Variants in SLC4A10 observed in about 807,000 individuals in gnomAD.
SLC4A10 encodes sodium-driven chloride bicarbonate exchanger.
Under a neutral mutation model 137.7 loss-of-function variants are expected in SLC4A10, and 42 were observed. The observed-to-expected ratio is 0.30, with a 90% CI of 0.24 to 0.39. The LOEUF is 0.39. SLC4A10 is among the 10% of genes least tolerant of loss of function. SLC4A10 has a pLI of 1.00. For synonymous variants in SLC4A10, 474 were observed against 464.1 expected (o/e 1.02, Z -0.27); for missense variants, 925 against 1,355.0 (o/e 0.68, Z 4.98).
intron 1 of SLC4A10, among the ~76,000 whole-genome samples, chr2:161,641,724 T>C (rs2035350602): frequency 6.6e-6 from 1 of 152,052 alleles, no homozygotes; most frequent in Non-Finnish European, 1.5e-5. Context: ...ATAATAGTGC[T>C]AGTCTAATAA....
intron 15 of SLC4A10, among the ~76,000 whole-genome samples, chr2:161,918,117 C>T (rs1020769074): frequency 3.9e-5 from 6 of 152,096 alleles, no homozygotes; most frequent in African/African-American, 1.2e-4. Flanking sequence ...ACTTAGGTCA[C>T]TTAAATATCT....
At chr2:161,945,614 G>C (rs1693651888) in intron 16 of SLC4A10, among the ~76,000 whole-genome samples, 2 of 151,750 alleles carry the variant, frequency 1.3e-5, no homozygotes, top group African/African-American at 2.4e-5. Flanking sequence ...ATGTATGTGT[G>C]CATGTGTGAG....
intron 1 of SLC4A10, among the ~76,000 whole-genome samples, chr2:161,722,938 A>C (rs1167503294): frequency 2.6e-5 from 4 of 152,150 alleles, no homozygotes; most frequent in Non-Finnish European, 5.9e-5. Context: ...CGACCTAAAG[A>C]AGCAGTCTGG....
chr2:161,737,638 C>T (rs2047482615), intron 1 of SLC4A10, among the ~76,000 whole-genome samples: 1 of 152,116 alleles, frequency 6.6e-6, no homozygotes, highest in African/African-American at 2.4e-5. Context: ...TGTACTTTTA[C>T]AAGTACAGTG....
At chr2:161,956,399 A>G (rs1190705775) in intron 19 of SLC4A10, among the ~76,000 whole-genome samples, 2 of 152,228 alleles carry the variant, frequency 1.3e-5, no homozygotes, top group Non-Finnish European at 2.9e-5. Context: ...AATTAAAAAT[A>G]AAAGGTGGAA....
intron 6 of SLC4A10, among the ~76,000 whole-genome samples, chr2:161,870,738 G>A (rs565563790): frequency 6.3e-4 from 95 of 151,908 alleles, no homozygotes; most frequent in African/African-American, 2.3e-3. Flanking sequence ...TTAGAAATGG[G>A]AGAATGAGAA....
intron 1 of SLC4A10, among the ~76,000 whole-genome samples, chr2:161,661,670 A>G (rs1204406718): frequency 6.6e-6 from 1 of 152,204 alleles, no homozygotes; most frequent in Non-Finnish European, 1.5e-5. Flanking sequence ...GTCTTTTAGC[A>G]TCATTTGTTT....
intron 1 of SLC4A10, among the ~76,000 whole-genome samples, chr2:161,706,836 C>T (rs2043725129): frequency 6.6e-6 from 1 of 151,556 alleles, no homozygotes; most frequent in Non-Finnish European, 1.5e-5. Flanking sequence ...CTTTTCTGAT[C>T]CCTAGATTAG....
chr2:161,649,004 A>G (rs2036443784), intron 1 of SLC4A10, among the ~76,000 whole-genome samples: 2 of 152,104 alleles, frequency 1.3e-5, no homozygotes, highest in African/African-American at 4.8e-5. Flanking sequence ...TGTCCTCCAG[A>G]TTGGCTGACC....
intron 3 of SLC4A10, among the ~76,000 whole-genome samples, chr2:161,832,576 C>G (rs2058498791): frequency 6.6e-6 from 1 of 152,116 alleles, no homozygotes; most frequent in South Asian, 2.1e-4. Flanking sequence ...AGCTGAGAAC[C>G]AGGCAACAGA....
At chr2:161,937,387 C>T (rs1054565846) in intron 15 of SLC4A10, among the ~76,000 whole-genome samples, 2 of 152,146 alleles carry the variant, frequency 1.3e-5, no homozygotes, top group African/African-American at 2.4e-5. Context: ...ATCCATACCC[C>T]ATCTCTTCCT....
In SLC4A10 at chr2:161,673,338, T is replaced by C. The variant is rs190360600; in HGVS notation, c.48+48772T>C. On this transcript the variant is annotated intron_variant, in intron 1 of 26. Coordinates refer to ENST00000446997, the MANE Select transcript of SLC4A10 (RefSeq NM_001178015.2). ...GGGTCAGTTTCATCAGGTCAGGGTG[T>C]ACTGAGAAATATTTGATGGAAATAT... is the stretch of plus-strand genomic sequence containing the variant. Among the ~76,000 whole-genome samples the C allele has an allele frequency of 1.3e-3, 205 of 152,298 alleles. 1 individual carries two copies. The highest frequency in any genetic ancestry group is 3.4e-3 in the Middle Eastern group (1 of 294).
chr2:161,698,476 G>A (rs933015673), intron 1 of SLC4A10, among the ~76,000 whole-genome samples: 8 of 152,212 alleles, frequency 5.3e-5, no homozygotes, highest in Admixed American at 3.3e-4. Flanking sequence ...TTTGAGATAC[G>A]TCCCATCAAT....
intron 2 of SLC4A10, among the ~76,000 whole-genome samples, chr2:161,773,932 A>G (rs779798871): frequency 3.3e-5 from 5 of 151,454 alleles, no homozygotes; most frequent in Non-Finnish European, 5.9e-5. Context: ...CATTCTTTCA[A>G]TCTATCTCAG....
rs539857080 is a variant in SLC4A10, at chr2:161,834,986, G to A, written c.278-4803G>A. ...GTCCATTTTTGGGGTCACAGTCATC[G>A]TAAATAACATGTTCTTTCTAGGACC... is the stretch of plus-strand genomic sequence containing the variant. On this transcript the variant is annotated intron_variant, in intron 3 of 26. Transcript: ENST00000446997. 3.2e-4 allele frequency among the ~76,000 whole-genome samples: 48 copies of A among 151,876 alleles called. No individual in the cohort carries two copies. In the South Asian group the frequency reaches 8.6e-3, roughly 27 times the overall value.
intron 12 of SLC4A10, chr2:161,902,296 G>A (rs1559497373): frequency 5.6e-6 from 1 of 178,442 alleles, no homozygotes; most frequent in Non-Finnish European, 1.2e-5. Flanking sequence ...CTAATATAAA[G>A]TGCTTTCAAA....
chr2:161,950,100 C>A (rs1345048811), intron 18 of SLC4A10, among the ~76,000 whole-genome samples: 1 of 151,930 alleles, frequency 6.6e-6, no homozygotes, highest in Non-Finnish European at 1.5e-5. Flanking sequence ...TCTGCTGTGA[C>A]CAAGTATCTT....
intron 15 of SLC4A10, among the ~76,000 whole-genome samples, chr2:161,927,519 A>G (rs1384587496): frequency 5.9e-5 from 9 of 152,218 alleles, no homozygotes; most frequent in Admixed American, 5.2e-4. Flanking sequence ...AAATTGACAA[A>G]TGGGATCTAA....
chr2:161,834,310 A>G (rs1346323670), intron 3 of SLC4A10, among the ~76,000 whole-genome samples: 1 of 152,130 alleles, frequency 6.6e-6, no homozygotes, highest in Non-Finnish European at 1.5e-5. Context: ...GTCTCTGTAA[A>G]TTTTATAAAA....
Sources: gnomAD v4.1 joint callset for allele counts (sites outside exome capture counted in the v4.1 genomes callset) on GRCh38, gnomAD v4.1.1 for gene constraint, MANE v1.5 for transcripts, NCBI Gene and HGNC (gene_info 2026-07-23, HGNC 2026-07-21) for gene names.